LRCH4: variants seen among roughly 807,000 people sequenced by gnomAD.
The protein encoded by LRCH4 is leucine-rich repeat and calponin homology domain-containing protein 4.
LRCH4 carries 56 observed loss-of-function variants against 81.2 expected under a neutral mutation model. The ratio of observed to expected loss-of-function variants is 0.69; its 90% confidence interval spans 0.56 to 0.86. The LOEUF is 0.86. LRCH4 is among the 40% of genes least tolerant of loss of function. LRCH4 has a pLI of 0.00. For synonymous variants in LRCH4, 442 were observed against 409.7 expected (o/e 1.08, Z -0.95); for missense variants, 895 against 922.8 (o/e 0.97, Z 0.39).
rs775494586 is a variant in LRCH4 at position 100,574,649 on chromosome 7, G to C, written c.*458C>G. The C allele has an allele frequency of 2.5e-4, 36 of 145,716 alleles. No individual in the cohort carries two copies. Among genetic ancestry groups the C allele is most frequent in the Non-Finnish European group, 4.6e-4 (31 of 67,398 alleles). The allele number at this position is 145,716 out of a possible 1,614,324, so 9.0% of individuals were successfully genotyped here. On this transcript the variant is annotated 3_prime_UTR_variant, in exon 18 of 18. Coordinates refer to ENST00000310300, the MANE Select transcript of LRCH4 (RefSeq NM_002319.5). ...GCGCGCGCGCACACACACACACACA[G>C]GCAGGGCGGCCACGGTCTGTACAGT...
chr7:100,577,854 CGG>C lies in LRCH4; in HGVS notation c.1005_1006del (p.Arg336GlyfsTer19). On this transcript the variant is annotated frameshift_variant, in exon 8 of 18. Coordinates refer to ENST00000310300, the MANE Select transcript of LRCH4 (RefSeq NM_002319.5). LOFTEE classifies it high-confidence loss of function. This position sits in a 1 kb window ranked among gnomAD's most constrained non-coding sequence, Gnocchi z 6.7. ...ATCCTCCTTGCGTTCTCTGGGTCCCCGGGGCTCCCGGGCCAGCTCTGAGATCC... is the reference window on the plus strand; with the variant it reads ...ATCCTCCTTGCGTTCTCTGGGTCCCCGGCTCCCGGGCCAGCTCTGAGATCC... The C allele has an allele frequency of 6.2e-7, 1 of 1,613,196 alleles. No individual in the cohort carries two copies. Among genetic ancestry groups the C allele is most frequent in the Non-Finnish European group, 8.5e-7 (1 of 1,179,274 alleles).
In LRCH4 at chr7:100,578,694, C is replaced by A. The variant is rs762977065; in HGVS notation, c.691G>T (p.Val231Phe). 250 of 1,614,074 alleles carry A rather than the reference C, an allele frequency of 1.5e-4. No individual in the cohort carries two copies. Among genetic ancestry groups the A allele is most frequent in the Non-Finnish European group, 1.9e-4 (225 of 1,180,034 alleles). ...VSFCRLRHLQ[V>F]ILLDSNPLQS... ...AGAGGGTTGCTGTCCAGCAGAATGA[C>A]CTGCAGGTGCCTCAGGCGGCAGAAG... The change falls in exon 5 of 18, where the codon GTC (valine) becomes TTC (phenylalanine). Residue 231 changes from valine (V) to phenylalanine (F), a missense_variant. This residue lies in a region of LRCH4 where 360 missense variants were observed against 397.0 expected (regional missense o/e 0.91). Transcript: ENST00000310300. The surrounding 1 kb of genome is among the most constrained non-coding windows in gnomAD (Gnocchi z 5.7).
At position 100,582,251 on chromosome 7, in the gene LRCH4, C is replaced by A; in HGVS notation, c.365+64G>T. Reference sequence around the variant, plus strand: ...ATCCTCTCGGGGTCACTGGGTGGGTCACTCAGTAGTACTTGAGACTGAGAA... The same window carrying A: ...ATCCTCTCGGGGTCACTGGGTGGGTAACTCAGTAGTACTTGAGACTGAGAA... On this transcript the variant is annotated intron_variant, in intron 2 of 17. Coordinates refer to ENST00000310300, the MANE Select transcript of LRCH4 (RefSeq NM_002319.5). This position sits in a 1 kb window ranked among gnomAD's most constrained non-coding sequence, Gnocchi z 5.0. The A allele has an allele frequency of 1.2e-6, 2 of 1,613,396 alleles. No homozygotes were observed. The highest frequency in any genetic ancestry group is 2.2e-5 in the South Asian group (2 of 91,030).
rs1801727799 is a variant in LRCH4 at position 100,585,928 on chromosome 7, G to A, written c.173C>T (p.Pro58Leu). The A allele has an allele frequency of 1.2e-6, 2 of 1,612,088 alleles. No individual in the cohort carries two copies. Among genetic ancestry groups the A allele is most frequent in the Non-Finnish European group, 1.7e-6 (2 of 1,179,068 alleles). The stretch of plus-strand genomic sequence containing the variant: ...GTCGTAGCTACGGGCCGCGCCCCGG[G>A]GGAAGTGCTTCAAGCGCCGGTTAGA... Reference protein sequence around the residue: ...NLSNRRLKHFPRGAARSYDLS... With the variant: ...NLSNRRLKHFLRGAARSYDLS... Residue 58 changes from proline to leucine, a missense_variant, in exon 1 of 18, where the codon CCC becomes CTC. Pro to Leu is a moderately conservative substitution (Grantham distance 98, BLOSUM62 -3). This residue lies in a region of LRCH4 where 360 missense variants were observed against 397.0 expected (regional missense o/e 0.91). Coordinates refer to ENST00000310300, the MANE Select transcript of LRCH4 (RefSeq NM_002319.5).
In LRCH4 at chr7:100,577,960, G is replaced by A; in HGVS notation, c.949-48C>T. On this transcript the variant is annotated intron_variant, in intron 7 of 17. Coordinates refer to ENST00000310300, the MANE Select transcript of LRCH4 (RefSeq NM_002319.5). The surrounding 1 kb of genome is among the most constrained non-coding windows in gnomAD (Gnocchi z 6.7). ...GGGAGATGGCCTCTCTGTACATGGG[G>A]GCTCAGGACCTGGGGGGTCCTGTGT... 6.6e-7 allele frequency: 1 copy of A among 1,523,446 alleles called. No homozygotes were observed. Among genetic ancestry groups the A allele is most frequent in the Non-Finnish European group, 9.1e-7 (1 of 1,101,416 alleles). 94.4% of individuals were successfully genotyped at this position (1,523,446 alleles called of 1,614,324 possible).
At position 100,577,561 on chromosome 7, in the gene LRCH4, A is replaced by G; in HGVS notation, c.1117-3T>C. ...CTTAATTCGGGTGGTCGCTGCTCCT[A>G]AGGAGAGAACAGCAGAGCAGCTGAG... is the stretch of plus-strand genomic sequence containing the variant. On this transcript the variant is annotated splice_region_variant and splice_polypyrimidine_tract_variant and intron_variant, in intron 9 of 17. Coordinates refer to ENST00000310300, the MANE Select transcript of LRCH4 (RefSeq NM_002319.5). The surrounding 1 kb of genome is among the most constrained non-coding windows in gnomAD (Gnocchi z 6.7). 6.2e-7 allele frequency: 1 copy of G among 1,610,990 alleles called. No homozygotes were observed. Among genetic ancestry groups the G allele is most frequent in the Non-Finnish European group, 8.5e-7 (1 of 1,179,884 alleles).
At chr7:100,580,445 C>CACACACACAAAA (rs545341427) in intron 4 of LRCH4, 2 of 135,690 alleles carry the variant, frequency 1.5e-5, no homozygotes, top group Non-Finnish European at 3.2e-5. Context: ...CACACACACA[C>CACACACACAAAA]AAAACCCACA....
rs1325126071 is a variant in LRCH4, at chr7:100,578,366, C to A, written c.848+33G>T. 1 of 1,608,140 alleles carries A rather than the reference C, an allele frequency of 6.2e-7. No homozygotes were observed. Among genetic ancestry groups the A allele is most frequent in the Non-Finnish European group, 8.5e-7 (1 of 1,175,074 alleles). Reference sequence around the variant, plus strand: ...GGGCCGGGAAGGGGCATTCAGTATCCCAGGGCTTCCTTCCTCCCCACCTAG... The same window carrying A: ...GGGCCGGGAAGGGGCATTCAGTATCACAGGGCTTCCTTCCTCCCCACCTAG... On this transcript the variant is annotated intron_variant, in intron 6 of 17. Coordinates refer to ENST00000310300, the MANE Select transcript of LRCH4 (RefSeq NM_002319.5). The surrounding 1 kb of genome is among the most constrained non-coding windows in gnomAD (Gnocchi z 5.7).
At chr7:100,585,566 G>C (rs1801707345) in intron 1 of LRCH4, among the ~76,000 whole-genome samples, 1 of 152,066 alleles carries the variant, frequency 6.6e-6, no homozygotes, top group Admixed American at 6.5e-5. Context: ...CTGAGGTTAA[G>C]AGATCATGTA....
In LRCH4 at chr7:100,577,189, A is replaced by G. The variant is rs745641591; in HGVS notation, c.1296-35T>C. The G allele has an allele frequency of 3.7e-6, 6 of 1,613,012 alleles. 1 individual carries two copies. The highest frequency in any genetic ancestry group is 5.1e-6 in the Non-Finnish European group (6 of 1,179,930). Reference sequence around the variant, plus strand: ...GGAGAGGTGGGGTCAGCTAGCCCCAAGGCAGAACGGCTCAGCGGGGCTCGG... The same window carrying G: ...GGAGAGGTGGGGTCAGCTAGCCCCAGGGCAGAACGGCTCAGCGGGGCTCGG... On this transcript the variant is annotated intron_variant, in intron 11 of 17. Coordinates refer to ENST00000310300, the MANE Select transcript of LRCH4 (RefSeq NM_002319.5). The surrounding 1 kb of genome is among the most constrained non-coding windows in gnomAD (Gnocchi z 6.7).
chr7:100,578,067 C>T lies in LRCH4; in HGVS notation c.948+92G>A. The T allele has an allele frequency of 7.2e-7, 1 of 1,396,022 alleles. No homozygotes were observed. Among genetic ancestry groups the T allele is most frequent in the African/African-American group, 1.4e-5 (1 of 70,296 alleles). 86.5% of individuals were successfully genotyped at this position (1,396,022 alleles called of 1,614,324 possible). A position where few individuals can be genotyped will look rare whatever the true frequency, so the allele number is the denominator to read the frequency against. On this transcript the variant is annotated intron_variant, in intron 7 of 17. Transcript: ENST00000310300. This position sits in a 1 kb window ranked among gnomAD's most constrained non-coding sequence, Gnocchi z 5.7. ...GGAAGGAAGAGGACAGCTCCAGCCT[C>T]TGCCTGGCACCCTGCAATTTGGAGG...
At chr7:100,584,434 G>GCGGGAGCTGGGAGGGGC (rs1801657549) in intron 1 of LRCH4, among the ~76,000 whole-genome samples, 1 of 151,966 alleles carries the variant, frequency 6.6e-6, no homozygotes, top group South Asian at 2.1e-4. Context: ...GGGGCCGGGG[G>GCGGGAGCTGGGAGGGGC]CGGGAGCTGG....
chr7:100,578,553 G>A lies in LRCH4; in HGVS notation c.736-42C>T, dbSNP rs1451643430. 23 of 1,599,972 alleles carry A rather than the reference G, an allele frequency of 1.4e-5. No homozygotes were observed. The highest frequency in any genetic ancestry group is 1.8e-5 in the Non-Finnish European group (21 of 1,170,398). On this transcript the variant is annotated intron_variant, in intron 5 of 17. Coordinates refer to ENST00000310300, the MANE Select transcript of LRCH4 (RefSeq NM_002319.5). The surrounding 1 kb of genome is among the most constrained non-coding windows in gnomAD (Gnocchi z 5.7). ...ACACGCCAGGGAGTTGGCAGGGAGG[G>A]CAGCTCCCCGGATCCTGCTCAGCTA...
At chr7:100,581,020 C>T (rs532503115) in intron 4 of LRCH4, 1 of 152,478 alleles carries the variant, frequency 6.6e-6, no homozygotes, top group African/African-American at 2.4e-5. Context: ...TTAGATGGGC[C>T]ACCTGGGCTC....
At position 100,582,488 on chromosome 7, in the gene LRCH4, T is replaced by C; in HGVS notation, c.221-29A>G. 1 of 1,597,352 alleles carries C rather than the reference T, an allele frequency of 6.3e-7. No individual in the cohort carries two copies. The highest frequency in any genetic ancestry group is 1.1e-5 in the South Asian group (1 of 90,612). On this transcript the variant is annotated intron_variant, in intron 1 of 17. Coordinates refer to ENST00000310300, the MANE Select transcript of LRCH4 (RefSeq NM_002319.5). The surrounding 1 kb of genome is among the most constrained non-coding windows in gnomAD (Gnocchi z 5.0). ...GGGAAAAGGAGGTGTCGGGGAGAGT[T>C]GCGGAAAGGCCCAGCCCGGACAGGA...
chr7:100,585,856 G>A (rs1322839267), intron 1 of LRCH4, 25 bp downstream of exon 1: 5 of 1,544,042 alleles, frequency 3.2e-6, no homozygotes, highest in Non-Finnish European at 4.4e-6. Flanking sequence ...GGACCCGGTT[G>A]GGCCCGGGGC....
Position 100,578,921 on chromosome 7 carries a change from T to G in LRCH4, c.599-135A>C. 6.8e-6 allele frequency: 6 copies of G among 879,286 alleles called. No homozygotes were observed. Among genetic ancestry groups the G allele is most frequent in the Non-Finnish European group, 1.0e-5 (6 of 579,526 alleles). 54.5% of individuals were successfully genotyped at this position (879,286 alleles called of 1,614,324 possible). ...CCTCTCCCCTGGGTGGCTCAAGTCA[T>G]TCCCCGGGAGAAACCTCCCTGCTCC... is the stretch of plus-strand genomic sequence containing the variant. On this transcript the variant is annotated intron_variant, in intron 4 of 17. Coordinates refer to ENST00000310300, the MANE Select transcript of LRCH4 (RefSeq NM_002319.5). This position sits in a 1 kb window ranked among gnomAD's most constrained non-coding sequence, Gnocchi z 5.7.
rs753031999 is a variant in LRCH4, at chr7:100,578,733, G to C, written c.652C>G (p.Arg218Gly). 3 of 1,614,122 alleles carry C rather than the reference G, an allele frequency of 1.9e-6. No individual in the cohort carries two copies. The highest frequency in any genetic ancestry group is 1.1e-5 in the South Asian group (1 of 91,080). Residue 218 changes from arginine (R) to glycine (G), a missense_variant, in exon 5 of 18, where the codon CGA (arginine) becomes GGA (glycine). Transcript: ENST00000310300. The surrounding 1 kb of genome is among the most constrained non-coding windows in gnomAD (Gnocchi z 5.7). ...RLDFSCNRVS[R>G]IPVSFCRLRH... ...AGGCGGCAGAAGGAGACTGGGATTC[G>C]GGAGACGCGGTTACAGGAGAAATCC... is the stretch of plus-strand genomic sequence containing the variant.
Position 100,586,042 on chromosome 7 carries a change from G to A in LRCH4, c.59C>T (p.Thr20Ile). 6.3e-7 allele frequency: 1 copy of A among 1,590,990 alleles called. No homozygotes were observed. The highest frequency in any genetic ancestry group is 2.3e-5 in the East Asian group (1 of 43,420). Residue 20 changes from threonine to isoleucine, a missense_variant, in exon 1 of 18, where the codon ACC (threonine) becomes ATC (isoleucine). Coordinates refer to ENST00000310300, the MANE Select transcript of LRCH4 (RefSeq NM_002319.5). Reference sequence around the variant, plus strand: ...CAGACCTGGAGACCCGGGCACGGAGGTCGTGGCTGCCGCCTCCTCACCCCC... The same window carrying A: ...CAGACCTGGAGACCCGGGCACGGAGATCGTGGCTGCCGCCTCCTCACCCCC... The part of the protein sequence containing the change: ...AAGGEEAAAT[T>I]SVPGSPGLPG...
Sources: gnomAD v4.1 joint callset for allele counts (sites outside exome capture counted in the v4.1 genomes callset) on GRCh38, gnomAD v4.1.1 for gene constraint, gnomAD v4.1.1 regional missense constraint, Gnocchi (gnomAD v3.1) non-coding constraint, MANE v1.5 for transcripts, NCBI Gene and HGNC (gene_info 2026-07-23, HGNC 2026-07-21) for gene names.